Variants in OBI1 observed in about 807,000 individuals in gnomAD.
The protein encoded by OBI1 is ring finger protein 219.
In OBI1, 59 loss-of-function variants were observed where a neutral mutation model predicts 62.4. That is an observed-to-expected ratio of 0.95 (90% confidence interval 0.77 to 1.17). The LOEUF (loss-of-function observed/expected upper bound fraction) is 1.17, where lower values mean the gene tolerates loss of function less well. Among genes scored for constraint, OBI1 ranks in the 50% most tolerant of loss-of-function variants. The pLI, the probability that OBI1 is intolerant of heterozygous loss-of-function variation, is 0.00. For missense variants in OBI1, 875 were observed against 830.9 expected (o/e 1.05, Z -0.65); for synonymous variants, 302 against 292.8 (o/e 1.03, Z -0.32).
At chr13:78,639,122 C>T (rs1261431288) in intron 3 of OBI1, 51 bp from the exon 4 acceptor site, 6 of 1,539,012 alleles carry the variant, frequency 3.9e-6, no homozygotes, top group Non-Finnish European at 5.2e-6. Context: ...TAAACACATA[C>T]ATACATATGC....
intron 1 of OBI1, among the ~76,000 whole-genome samples, chr13:78,658,655 C>G (rs1876784445): frequency 6.6e-6 from 1 of 152,172 alleles, no homozygotes; most frequent in Non-Finnish European, 1.5e-5. Context: ...AGGTGAGGCT[C>G]CCAGGAAATG....
chr13:78,650,307 A>G (rs12870213), intron 1 of OBI1, among the ~76,000 whole-genome samples: 39,493 of 152,116 alleles, frequency 0.26, 5,479 homozygotes, highest in East Asian at 0.32. Context: ...AAATGTCTCC[A>G]TGAGGTTGAA....
At chr13:78,625,182 A>G (rs1275368138) in intron 5 of OBI1, among the ~76,000 whole-genome samples, 1 of 152,202 alleles carries the variant, frequency 6.6e-6, no homozygotes, top group African/African-American at 2.4e-5. Flanking sequence ...AAGACATGCT[A>G]TTTCATATCT....
intron 3 of OBI1, among the ~76,000 whole-genome samples, chr13:78,641,832 T>C (rs1192031059): frequency 6.9e-6 from 1 of 145,970 alleles, no homozygotes; most frequent in Non-Finnish European, 1.5e-5. Context: ...AAATTTTAAC[T>C]TAAAAAAAAA....
In OBI1 at chr13:78,616,058, G is replaced by C; in HGVS notation, c.1703C>G (p.Ser568Ter). The C allele has an allele frequency of 1.2e-6, 2 of 1,614,104 alleles. No homozygotes were observed. Among genetic ancestry groups the C allele is most frequent in the Non-Finnish European group, 1.7e-6 (2 of 1,180,022 alleles). The change falls in exon 6 of 6, where the codon TCA becomes TGA. Residue 568 changes from serine to a stop codon, truncating the protein, a stop_gained. Transcript: ENST00000282003. LOFTEE classifies it high-confidence loss of function. ...AAATTCACTGCCTTGAGATGACTTTGATAACCCATCCAAATCCAGTGACTT... is the reference window on the plus strand; with the variant it reads ...AAATTCACTGCCTTGAGATGACTTTCATAACCCATCCAAATCCAGTGACTT... ...GFKSLDLDGL[S>*]KSSQGSEFLE... is the part of the protein sequence containing the mutation.
chr13:78,639,923 C>T (rs1250380062), intron 3 of OBI1, among the ~76,000 whole-genome samples: 1 of 149,434 alleles, frequency 6.7e-6, no homozygotes, highest in Non-Finnish European at 1.5e-5. Context: ...AGCGCACCAG[C>T]ATGGCACATG....
intron 5 of OBI1, among the ~76,000 whole-genome samples, chr13:78,626,965 C>G (rs530103599): frequency 6.6e-6 from 1 of 152,256 alleles, no homozygotes; most frequent in African/African-American, 2.4e-5. Flanking sequence ...ACTCAGGAGG[C>G]TGAGGCAGGA....
chr13:78,623,662 A>G (rs1426300292), intron 5 of OBI1, among the ~76,000 whole-genome samples: 1 of 152,220 alleles, frequency 6.6e-6, no homozygotes, highest in Admixed American at 6.5e-5. Context: ...TTTATATTTC[A>G]TATCAAAATG....
intron 1 of OBI1, among the ~76,000 whole-genome samples, chr13:78,656,322 G>A (rs1481590903): frequency 2.0e-5 from 3 of 152,050 alleles, no homozygotes; most frequent in Non-Finnish European, 4.4e-5. Context: ...GGTGGCTCAC[G>A]CTTGTAATCC....
chr13:78,640,191 T>TA lies in OBI1; in HGVS notation c.301-1121dup, dbSNP rs749852212. On this transcript the variant is annotated intron_variant, in intron 3 of 5. Transcript: ENST00000282003. ...GAAAGTACATTGAGGGGGGCCGGGT[T>TA]AAAAAAAAAAAAGGTACAGTTTGTC... Among the ~76,000 whole-genome samples, 1,342 of 143,328 alleles carry TA rather than the reference T, an allele frequency of 9.4e-3. 11 individuals carry two copies. The highest frequency in any genetic ancestry group is 0.027 in the African/African-American group (1,076 of 39,444). The allele number at this position is 143,328 out of a possible 152,430, so 94.0% of individuals were successfully genotyped here.
rs763245876 is a variant in OBI1, at chr13:78,616,482, C to G, written c.1279G>C (p.Val427Leu). ...KKHSNHLRKLVFDDFCDSSNV... is the reference protein window; with the variant it reads ...KKHSNHLRKLLFDDFCDSSNV... ...GAAGAATCACAAAAATCATCAAACACCAATTTTCTGAGATGGTTTGAGTGC... is the reference window on the plus strand; with the variant it reads ...GAAGAATCACAAAAATCATCAAACAGCAATTTTCTGAGATGGTTTGAGTGC... The change falls in exon 6 of 6, where the codon GTG becomes CTG. Residue 427 changes from valine (V) to leucine (L), a missense_variant. Val to Leu is a conservative substitution (Grantham distance 32, BLOSUM62 1). Transcript: ENST00000282003. 4.3e-6 allele frequency: 7 copies of G among 1,613,966 alleles called. No individual in the cohort carries two copies. Among genetic ancestry groups the G allele is most frequent in the Non-Finnish European group, 5.9e-6 (7 of 1,180,030 alleles).
chr13:78,626,938 C>T (rs1486054438), intron 5 of OBI1, among the ~76,000 whole-genome samples: 2 of 151,980 alleles, frequency 1.3e-5, no homozygotes, highest in African/African-American at 4.8e-5. Flanking sequence ...TGGTGGCGGG[C>T]GCCTGTAGTC....
chr13:78,647,981 T>TA (rs112397865), intron 1 of OBI1, among the ~76,000 whole-genome samples: 32 of 149,186 alleles, frequency 2.1e-4, no homozygotes, highest in South Asian at 6.3e-4. Context: ...ACAGATTCAT[T>TA]AAAAAAAAAA....
chr13:78,640,953 G>A (rs1299208122), intron 3 of OBI1, among the ~76,000 whole-genome samples: 1 of 149,878 alleles, frequency 6.7e-6, no homozygotes, highest in Non-Finnish European at 1.5e-5. Context: ...CTGGATTCTG[G>A]TTCTTCAATT....
chr13:78,636,297 A>T (rs1033312563), intron 4 of OBI1, among the ~76,000 whole-genome samples: 3 of 152,150 alleles, frequency 2.0e-5, no homozygotes, highest in African/African-American at 7.2e-5. Flanking sequence ...CATTGCTTTT[A>T]TGTATTACAA....
intron 1 of OBI1, among the ~76,000 whole-genome samples, chr13:78,647,778 G>C (rs1392117383): frequency 6.6e-6 from 1 of 152,096 alleles, no homozygotes; most frequent in Non-Finnish European, 1.5e-5. Context: ...GGAGGGGCTG[G>C]CCCCCTTCAA....
chr13:78,655,344 CA>C (rs56255445), intron 1 of OBI1, among the ~76,000 whole-genome samples: 134,256 of 151,032 alleles, frequency 0.89, 59,725 homozygotes, highest in East Asian at 0.99. Flanking sequence ...AACAAACAAA[CA>C]AAAAAAAAAC....
chr13:78,629,336 A>G (rs1368717790), intron 5 of OBI1, among the ~76,000 whole-genome samples: 1 of 152,160 alleles, frequency 6.6e-6, no homozygotes, highest in Non-Finnish European at 1.5e-5. Flanking sequence ...CCATTAATTC[A>G]ATTATAACCA....
At chr13:78,641,673 T>C (rs2137456887) in intron 3 of OBI1, among the ~76,000 whole-genome samples, 1 of 152,320 alleles carries the variant, frequency 6.6e-6, no homozygotes, top group Middle Eastern at 3.4e-3. Flanking sequence ...TTTACTTTAC[T>C]AGAATTGATC....
Sources: allele counts gnomAD v4.1 joint callset (sites outside exome capture counted in the v4.1 genomes callset), GRCh38; gene constraint gnomAD v4.1.1; transcripts MANE v1.5; gene names NCBI Gene and HGNC (gene_info 2026-07-23, HGNC 2026-07-21).